The following LIN28B variants were observed in gnomAD, a reference collection of about 807,000 sequenced individuals.
LIN28B encodes the protein lin-28 RNA binding posttranscriptional regulator B, also known as protein lin-28 homolog B.
A neutral mutation model predicts 21.9 loss-of-function variants in LIN28B; 5 were observed. The ratio of observed to expected loss-of-function variants is 0.23; its 90% CI spans 0.12 to 0.48. LIN28B has a LOEUF of 0.48. Among genes scored for constraint, LIN28B ranks in the 20% least tolerant of loss-of-function variants. LIN28B has a pLI of 0.98. For missense variants in LIN28B, 245 were observed against 310.5 expected (o/e 0.79, Z 1.58); for synonymous variants, 109 against 111.3 (o/e 0.98, Z 0.13).
intron 3 of LIN28B, among the ~76,000 whole-genome samples, chr6:105,061,946 C>T (rs1772128428): frequency 6.6e-6 from 1 of 151,750 alleles, no homozygotes; most frequent in Admixed American, 6.6e-5. Flanking sequence ...CAGTAGTCTT[C>T]GTTTCCATTT....
chr6:105,078,650 C>T lies in LIN28B; in HGVS notation c.620C>T (p.Pro207Leu), dbSNP rs901849836. The T allele has an allele frequency of 1.9e-6, 3 of 1,614,146 alleles. No homozygotes were observed. Among genetic ancestry groups the T allele is most frequent in the South Asian group, 1.1e-5 (1 of 91,074 alleles). The change falls in exon 4 of 4, where the codon CCT (proline) becomes CTT (leucine). Residue 207 changes from proline to leucine, a missense_variant. Physicochemically the swap from Pro to Leu is moderately conservative, Grantham distance 98. Coordinates refer to ENST00000345080, the MANE Select transcript of LIN28B (RefSeq NM_001004317.4). ...CATGGCTGTACATCACCACCGTTTC[C>T]TCAGGAGGCTAGGGCAGAGATCTCA... Reference protein sequence around the residue: ...GGHGCTSPPFPQEARAEISER... With the variant: ...GGHGCTSPPFLQEARAEISER...
intron 2 of LIN28B, among the ~76,000 whole-genome samples, chr6:105,007,722 G>A (rs913317690): frequency 6.6e-6 from 1 of 151,972 alleles, no homozygotes; most frequent in Non-Finnish European, 1.5e-5. Flanking sequence ...TAGAGATGGG[G>A]TCTCACTGTG....
At chr6:105,056,311 G>A (rs1772023654) in intron 3 of LIN28B, among the ~76,000 whole-genome samples, 1 of 151,390 alleles carries the variant, frequency 6.6e-6, no homozygotes, top group Admixed American at 6.6e-5. Context: ...AGGGAGTCCG[G>A]GTCATTTGTT....
chr6:105,018,382 A>G (rs565650368), intron 2 of LIN28B, among the ~76,000 whole-genome samples: 2 of 152,024 alleles, frequency 1.3e-5, no homozygotes, highest in South Asian at 4.2e-4. Flanking sequence ...CACTTAAACT[A>G]CTCTCCTTGC....
chr6:105,066,353 A>G (rs575269188), intron 3 of LIN28B, among the ~76,000 whole-genome samples: 8 of 152,298 alleles, frequency 5.3e-5, no homozygotes, highest in African/African-American at 1.9e-4. Flanking sequence ...AGGTAACTTC[A>G]AAGCTTTGAA....
intron 3 of LIN28B, among the ~76,000 whole-genome samples, chr6:105,060,699 A>G (rs1001025135): frequency 8.5e-5 from 13 of 152,318 alleles, no homozygotes; most frequent in South Asian, 2.1e-4. Flanking sequence ...GACTTTTTCA[A>G]TAGTGCTTTT....
chr6:105,017,286 G>A (rs1771050081), intron 2 of LIN28B, among the ~76,000 whole-genome samples: 2 of 152,062 alleles, frequency 1.3e-5, no homozygotes, highest in African/African-American at 4.8e-5. Flanking sequence ...AGGGGTAAGG[G>A]TGGGTTGAGT....
At chr6:105,063,537 G>A (rs1772163182) in intron 3 of LIN28B, among the ~76,000 whole-genome samples, 1 of 151,294 alleles carries the variant, frequency 6.6e-6, no homozygotes, top group South Asian at 2.1e-4. Context: ...TCGAGAGGCT[G>A]AGGCACAAGA....
intron 3 of LIN28B, among the ~76,000 whole-genome samples, chr6:105,061,415 G>T (rs1314463430): frequency 1.3e-5 from 2 of 152,024 alleles, no homozygotes; most frequent in Admixed American, 6.6e-5. Context: ...TATATATATT[G>T]TATCATTATT....
At position 105,027,699 on chromosome 6, in the gene LIN28B, C is replaced by T. The variant is rs76325864; in HGVS notation, c.383+1217C>T. 5.8e-3 allele frequency among the ~76,000 whole-genome samples: 875 copies of T among 152,028 alleles called. 7 individuals are homozygous for T. The highest frequency in any genetic ancestry group is 0.021 in the African/African-American group (861 of 41,516). On this transcript the variant is annotated intron_variant, in intron 3 of 3. Transcript: ENST00000345080. ...TGACTTTATTTCATTTTCCAAACTA[C>T]AAAATTAAAAATATGCTATATTCAT...
At chr6:105,068,851 ATACT>A (rs1201643724) in intron 3 of LIN28B, among the ~76,000 whole-genome samples, 13 of 152,254 alleles carry the variant, frequency 8.5e-5, no homozygotes, top group Admixed American at 2.0e-4. Flanking sequence ...GAAAAATAAC[ATACT>A]TAATCATTTT....
chr6:104,981,137 C>T (rs1294470104), intron 2 of LIN28B, among the ~76,000 whole-genome samples: 2 of 152,124 alleles, frequency 1.3e-5, no homozygotes, highest in Non-Finnish European at 2.9e-5. Context: ...TGTGTGCTAT[C>T]ATTTCCCATC....
At chr6:104,950,248 A>C (rs1460165847) in intron 2 of LIN28B, among the ~76,000 whole-genome samples, 3 of 152,096 alleles carry the variant, frequency 2.0e-5, no homozygotes, top group Admixed American at 2.0e-4. Context: ...ATGTTCTTTA[A>C]ACTAGTGTCC....
intron 2 of LIN28B, among the ~76,000 whole-genome samples, chr6:104,965,332 C>A (rs543264851): frequency 6.6e-6 from 1 of 152,094 alleles, no homozygotes; most frequent in East Asian, 1.9e-4. Context: ...TTTAGACCAG[C>A]CTGGGTAACA....
At chr6:104,956,911 A>G (rs1218643645), upstream of LIN28B, 1 of 386,698 alleles carries the variant, frequency 2.6e-6, no homozygotes. Flanking sequence ...AATTGTCTTT[A>G]AGATAACATG....
upstream of LIN28B, among the ~76,000 whole-genome samples, chr6:104,955,755 G>A (rs1034031939): frequency 6.6e-6 from 1 of 150,472 alleles, no homozygotes; most frequent in Admixed American, 6.7e-5. Flanking sequence ...TTGGTAAACT[G>A]CTTGTTTAAG....
intron 2 of LIN28B, among the ~76,000 whole-genome samples, chr6:104,994,149 C>T (rs1770551366): frequency 2.0e-5 from 3 of 152,120 alleles, no homozygotes; most frequent in South Asian, 2.1e-4. Context: ...GGATTACAGG[C>T]GTGTGCCACC....
intron 2 of LIN28B, among the ~76,000 whole-genome samples, chr6:104,967,736 G>T (rs1388348958): frequency 6.6e-6 from 1 of 151,870 alleles, no homozygotes; most frequent in Non-Finnish European, 1.5e-5. Context: ...CTGGCGTGCA[G>T]TGGTGGGATT....
intron 2 of LIN28B, among the ~76,000 whole-genome samples, chr6:105,014,330 A>T (rs1254118169): frequency 6.6e-6 from 1 of 151,958 alleles, no homozygotes; most frequent in Non-Finnish European, 1.5e-5. Flanking sequence ...AAAATATTTT[A>T]TTTTTTGAGA....
Sources: gnomAD v4.1 joint callset for allele counts (sites outside exome capture counted in the v4.1 genomes callset) on GRCh38, gnomAD v4.1.1 for gene constraint, MANE v1.5 for transcripts, NCBI Gene and HGNC (gene_info 2026-07-23, HGNC 2026-07-21) for gene names.